Variants in NTN1 observed in about 807,000 individuals in gnomAD.
NTN1 encodes the protein netrin-1.
Under a neutral mutation model 54.2 loss-of-function variants are expected in NTN1, and 11 were observed. The observed-to-expected ratio is 0.20, with a 90% CI of 0.13 to 0.34. NTN1 has a LOEUF of 0.34. NTN1 is among the 10% of genes least tolerant of loss of function. The pLI is 1.00. For missense variants in NTN1, 740 were observed against 893.1 expected (o/e 0.83, Z 2.18); for synonymous variants, 371 against 382.0 (o/e 0.97, Z 0.33).
intron 2 of NTN1, among the ~76,000 whole-genome samples, chr17:9,099,058 C>T (rs1266234891): frequency 6.6e-6 from 1 of 152,074 alleles, no homozygotes; most frequent in Non-Finnish European, 1.5e-5. Context: ...TTTTCATTTG[C>T]TATATGGGAA....
In NTN1 at chr17:9,187,654, CAAAAAAAAAA is replaced by C. The variant is rs763852001; in HGVS notation, c.1411+4701_1411+4710del. Among the ~76,000 whole-genome samples, 9 of 52,906 alleles carry C rather than the reference CAAAAAAAAAA, an allele frequency of 1.7e-4. No homozygotes were observed. The Admixed American group carries it at 1.8e-3, about 11-fold the overall frequency. The allele number at this position is 52,906 out of a possible 152,430, so 34.7% of individuals were successfully genotyped here. A position where few individuals can be genotyped will look rare whatever the true frequency, so the allele number is the denominator to read the frequency against. ...GCAAAATAGTGAAACCTCATCTCTC[CAAAAAAAAAA>C]AAAAAAAAAAAAAAACATTAGCCAG... is the stretch of plus-strand genomic sequence containing the variant. On this transcript the variant is annotated intron_variant, in intron 5 of 6. Coordinates refer to ENST00000173229, the MANE Select transcript of NTN1 (RefSeq NM_004822.3).
chr17:9,200,554 C>T (rs542369261), intron 5 of NTN1, among the ~76,000 whole-genome samples: 10 of 152,342 alleles, frequency 6.6e-5, no homozygotes, highest in African/African-American at 2.2e-4. Flanking sequence ...TTGACCTCAT[C>T]TGGGCTACAG....
chr17:9,125,282 A>C (rs1174992987), intron 2 of NTN1, among the ~76,000 whole-genome samples: 1 of 151,298 alleles, frequency 6.6e-6, no homozygotes, highest in Non-Finnish European at 1.5e-5. Flanking sequence ...GCAGGAGTGC[A>C]GTGGCACAAT....
the NTN1 span, among the ~76,000 whole-genome samples, chr17:9,009,288 G>A: frequency 5.3e-5 from 8 of 152,170 alleles, no homozygotes; most frequent in African/African-American, 1.9e-4. Context: ...GGAGCTCCCT[G>A]CAAGCAGACC....
chr17:9,033,843 G>A (rs2091894948), intron 2 of NTN1, among the ~76,000 whole-genome samples: 1 of 151,140 alleles, frequency 6.6e-6, no homozygotes, highest in South Asian at 2.1e-4. Context: ...CTTGAATCTG[G>A]GAGGCGGAGG....
chr17:9,222,054 T>G (rs996063208), intron 6 of NTN1, among the ~76,000 whole-genome samples: 2 of 152,210 alleles, frequency 1.3e-5, no homozygotes, highest in Non-Finnish European at 1.5e-5. Context: ...AGGGCATCCA[T>G]GTGGGTGGCT....
At chr17:9,131,624 A>C (rs1489427183) in intron 2 of NTN1, among the ~76,000 whole-genome samples, 1 of 139,654 alleles carries the variant, frequency 7.2e-6, no homozygotes, top group Non-Finnish European at 1.5e-5. Flanking sequence ...TCTGTTGCCC[A>C]GGCTACTATG....
At chr17:9,112,697 C>T (rs1439697209) in intron 2 of NTN1, among the ~76,000 whole-genome samples, 3 of 151,776 alleles carry the variant, frequency 2.0e-5, no homozygotes, top group South Asian at 2.1e-4. Context: ...TGGTGGCAGG[C>T]GCCTGTAGTC....
At chr17:9,223,765 C>T (rs557955511) in intron 6 of NTN1, among the ~76,000 whole-genome samples, 17 of 152,238 alleles carry the variant, frequency 1.1e-4, no homozygotes, top group Admixed American at 3.3e-4. Context: ...ACCTGGGCAC[C>T]GCAGCACTGT....
chr17:9,115,439 T>C (rs2092208019), intron 2 of NTN1, among the ~76,000 whole-genome samples: 1 of 152,182 alleles, frequency 6.6e-6, no homozygotes, highest in Non-Finnish European at 1.5e-5. Context: ...TCAGAGCTCA[T>C]TGTCGGGAAG....
intron 2 of NTN1, among the ~76,000 whole-genome samples, chr17:9,151,708 G>C (rs2092328032): frequency 6.6e-6 from 1 of 152,228 alleles, no homozygotes; most frequent in Admixed American, 6.5e-5. Flanking sequence ...CTTGGCTTCA[G>C]GGGCCTCTAA....
chr17:9,029,060 A>T (rs1311081772), intron 2 of NTN1, among the ~76,000 whole-genome samples: 1 of 152,018 alleles, frequency 6.6e-6, no homozygotes, highest in South Asian at 2.1e-4. Context: ...TAATACTTGT[A>T]GAGCAGGCCC....
At chr17:9,015,766 CAACAA>C in the NTN1 span, among the ~76,000 whole-genome samples, 1 of 151,928 alleles carries the variant, frequency 6.6e-6, no homozygotes, top group Non-Finnish European at 1.5e-5. Context: ...ATTAAAACAA[CAACAA>C]AACAAAACAA....
intron 2 of NTN1, among the ~76,000 whole-genome samples, chr17:9,143,474 G>T (rs1597504235): frequency 1.4e-5 from 1 of 72,884 alleles, no homozygotes; most frequent in East Asian, 1.9e-3. Flanking sequence ...TCCTCACTTT[G>T]CTGTGCCCTT....
chr17:9,228,136 A>T (rs1597550040), intron 6 of NTN1, among the ~76,000 whole-genome samples: 2 of 152,232 alleles, frequency 1.3e-5, no homozygotes, highest in East Asian at 3.9e-4. Flanking sequence ...CAAGGGCCAC[A>T]GAAGGAGGGG....
intron 2 of NTN1, among the ~76,000 whole-genome samples, chr17:9,095,067 A>G (rs1187543185): frequency 6.6e-6 from 1 of 151,524 alleles, no homozygotes; most frequent in Non-Finnish European, 1.5e-5. Context: ...TTAAAATAAC[A>G]TGTCTGTTAG....
At chr17:9,204,149 T>G (rs1303450360) in intron 5 of NTN1, among the ~76,000 whole-genome samples, 2 of 150,276 alleles carry the variant, frequency 1.3e-5, no homozygotes, top group African/African-American at 5.0e-5. Flanking sequence ...GCAACAGGAG[T>G]GCAAGGATAG....
At chr17:9,139,939 A>G (rs948380030) in intron 2 of NTN1, among the ~76,000 whole-genome samples, 1 of 151,848 alleles carries the variant, frequency 6.6e-6, no homozygotes, top group Admixed American at 6.6e-5. Context: ...CCATCCATCC[A>G]TCTGTCCATC....
chr17:9,165,206 T>C lies in NTN1; in HGVS notation c.1207+2205T>C, dbSNP rs1362287345. Reference sequence around the variant, plus strand: ...CCAGTTTCTGCTGTCCAATTAGAAATGTATGTTTCCCAGAGAGGCAAGAAG... The same window carrying C: ...CCAGTTTCTGCTGTCCAATTAGAAACGTATGTTTCCCAGAGAGGCAAGAAG... On this transcript the variant is annotated intron_variant, in intron 3 of 6. Coordinates refer to ENST00000173229, the MANE Select transcript of NTN1 (RefSeq NM_004822.3). The surrounding 1 kb of genome is among the most constrained non-coding windows in gnomAD (Gnocchi z 4.5). Among the ~76,000 whole-genome samples, 2 of 152,050 alleles carry C rather than the reference T, an allele frequency of 1.3e-5. No homozygotes were observed. The highest frequency in any genetic ancestry group is 1.5e-5 in the Non-Finnish European group (1 of 68,008).
Sources: gnomAD v4.1 joint callset for allele counts (sites outside exome capture counted in the v4.1 genomes callset) on GRCh38, gnomAD v4.1.1 for gene constraint, Gnocchi (gnomAD v3.1) non-coding constraint, MANE v1.5 for transcripts, NCBI Gene and HGNC (gene_info 2026-07-23, HGNC 2026-07-21) for gene names.